The following RUVBL1 variants were observed in gnomAD, a reference collection of about 807,000 sequenced individuals.
The protein encoded by RUVBL1 is ruvB-like 1.
A neutral mutation model predicts 52.4 loss-of-function variants in RUVBL1; 4 were observed. That is an observed-to-expected ratio of 0.08 (90% CI 0.04 to 0.17). The LOEUF is 0.17. RUVBL1 is among the 10% of genes least tolerant of loss of function. The pLI, the probability that RUVBL1 is intolerant of heterozygous loss-of-function variation, is 1.00. For missense variants in RUVBL1, 298 were observed against 572.8 expected, an observed-to-expected ratio of 0.52 and a Z score of 4.90; for synonymous variants, 217 against 214.4, an observed-to-expected ratio of 1.01 and a Z score of -0.10.
At chr3:128,068,197 T>C in intron 9 of RUVBL1, 1 of 650,804 alleles carries the variant, frequency 1.5e-6, no homozygotes, top group South Asian at 1.8e-5. Context: ...AATTAAATGT[T>C]ATATATTTAT....
chr3:128,114,733 A>G (rs1327164072), intron 2 of RUVBL1, among the ~76,000 whole-genome samples: 1 of 152,156 alleles, frequency 6.6e-6, no homozygotes, highest in Admixed American at 6.5e-5. Flanking sequence ...GTATTCTTCT[A>G]AGAGCAAAGG....
rs565025915 is a variant in RUVBL1, at chr3:128,130,557, T to C, written c.-39-11143A>G. 1.2e-4 allele frequency among the ~76,000 whole-genome samples: 18 copies of C among 145,014 alleles called. No individual in the cohort carries two copies. In the East Asian group the frequency reaches 3.6e-3, roughly 29 times the overall value. On this transcript the variant is annotated intron_variant, in intron 1 of 9. Transcript: ENST00000464873. ...GGGAGGATTGTTTGAGGTCAGGAGT[T>C]CAAGACCAGGTTGGGAAATAGCAAG...
At chr3:128,137,039 C>T (rs1213493009) in intron 1 of RUVBL1, among the ~76,000 whole-genome samples, 1 of 152,112 alleles carries the variant, frequency 6.6e-6, no homozygotes, top group Non-Finnish European at 1.5e-5. Context: ...TTATTCTCCT[C>T]AGCACATGGA....
intron 2 of RUVBL1, among the ~76,000 whole-genome samples, chr3:128,116,341 G>A (rs184314289): frequency 0.015 from 2,284 of 151,936 alleles, 29 homozygotes; most frequent in Non-Finnish European, 0.023. Flanking sequence ...AGGAGTTCGA[G>A]ACCAGCCTGA....
intron 9 of RUVBL1, chr3:128,069,456 G>A: frequency 6.2e-7 from 1 of 1,605,064 alleles, no homozygotes. Context: ...TCCAGGAGCT[G>A]ACTGTGTCCC....
chr3:128,086,340 G>C (rs1044431284), intron 9 of RUVBL1, among the ~76,000 whole-genome samples: 2 of 152,220 alleles, frequency 1.3e-5, no homozygotes, highest in African/African-American at 4.8e-5. Context: ...AGTTCTCCCT[G>C]CCTCATGGGT....
At chr3:128,065,133 A>G (rs1559797590) in exon 10 of RUVBL1, 12 of 1,290,198 alleles carry the variant, frequency 9.3e-6, no homozygotes, top group Non-Finnish European at 1.4e-5. Flanking sequence ...GTGCACTGTC[A>G]TCATATTGTG....
At chr3:128,065,937 T>TA (rs1485356422) in intron 9 of RUVBL1, among the ~76,000 whole-genome samples, 1 of 151,704 alleles carries the variant, frequency 6.6e-6, no homozygotes, top group Admixed American at 6.6e-5. Flanking sequence ...ATAGACAGGG[T>TA]TTCACCGTGT....
chr3:128,140,158 C>A (rs1199771613), intron 1 of RUVBL1, among the ~76,000 whole-genome samples: 2 of 150,378 alleles, frequency 1.3e-5, no homozygotes, highest in African/African-American at 4.9e-5. Context: ...TATGTACCTA[C>A]TATGTACCCA....
At chr3:128,123,530 C>G in intron 1 of RUVBL1, 54 bp downstream of exon 1, 1 of 1,487,898 alleles carries the variant, frequency 6.7e-7, no homozygotes, top group Non-Finnish European at 9.0e-7. Context: ...CAGCAGCTCT[C>G]TCGCCGCAGC....
chr3:128,102,616 A>G (rs940002996), intron 4 of RUVBL1, among the ~76,000 whole-genome samples: 2 of 152,272 alleles, frequency 1.3e-5, no homozygotes, highest in Non-Finnish European at 2.9e-5. Flanking sequence ...TGTATGTTCC[A>G]TTTATATGAA....
At chr3:128,092,399 T>C (rs1942862890) in intron 8 of RUVBL1, among the ~76,000 whole-genome samples, 1 of 150,632 alleles carries the variant, frequency 6.6e-6, no homozygotes, top group Admixed American at 6.7e-5. Flanking sequence ...AAAGACACTA[T>C]CAAGAAACTG....
intron 2 of RUVBL1, among the ~76,000 whole-genome samples, chr3:128,114,436 C>T (rs1943469251): frequency 1.3e-5 from 2 of 152,158 alleles, no homozygotes; most frequent in Admixed American, 1.3e-4. Flanking sequence ...GCTGGTTCTG[C>T]CACTAATTTT....
chr3:128,083,746 T>C (rs1195943381), intron 9 of RUVBL1: 2 of 152,292 alleles, frequency 1.3e-5, no homozygotes, highest in East Asian at 1.9e-4. Context: ...TCTTCCCTTT[T>C]CTCAAGACAG....
At chr3:128,152,910 C>T (rs1944256586) in intron 1 of RUVBL1, among the ~76,000 whole-genome samples, 1 of 58,744 alleles carries the variant, frequency 1.7e-5, no homozygotes. Context: ...CCCCGCCCTC[C>T]CCCGCCCCCC....
rs550701450 is a variant in RUVBL1, at chr3:128,069,977, G to A, written c.940-4757C>T. 2.4e-5 allele frequency: 5 copies of A among 211,156 alleles called. No homozygotes were observed. In the East Asian group the frequency reaches 4.5e-4, roughly 19 times the overall value. 13.1% of individuals were successfully genotyped at this position (211,156 alleles called of 1,614,324 possible). ...TTTGCACCTTCTCAGTGCTGTATGCGGCTGCAGCCGTCTCACCTGTTTCCC... is the reference window on the plus strand; with the variant it reads ...TTTGCACCTTCTCAGTGCTGTATGCAGCTGCAGCCGTCTCACCTGTTTCCC... On this transcript the variant is annotated intron_variant, in intron 9 of 9. Transcript: ENST00000464873.
Position 128,101,668 on chromosome 3 carries a change from TCAGAAGTGTAATACATA to T in RUVBL1, c.514-37_514-21del. ...GTCCAGCTAAAAAAAAAAATGTAAA[TCAGAAGTGTAATACATA>T]TTCCATTTCCTTCTGACACCATGTA... On this transcript the variant is annotated intron_variant, in intron 4 of 10. Transcript: ENST00000322623. 6.2e-7 allele frequency: 1 copy of T among 1,602,942 alleles called. No individual in the cohort carries two copies. Among genetic ancestry groups the T allele is most frequent in the Non-Finnish European group, 8.5e-7 (1 of 1,171,898 alleles).
chr3:128,148,331 G>A (rs1202780551), intron 1 of RUVBL1, among the ~76,000 whole-genome samples: 3 of 152,148 alleles, frequency 2.0e-5, no homozygotes, highest in Non-Finnish European at 2.9e-5. Context: ...AAAACCAACA[G>A]AATTTTTTAA....
chr3:128,120,190 CA>C (rs1220180961), intron 1 of RUVBL1, among the ~76,000 whole-genome samples: 1 of 152,074 alleles, frequency 6.6e-6, no homozygotes, highest in African/African-American at 2.4e-5. Flanking sequence ...ACATTTTTTC[CA>C]GAGAAAGGAT....
Sources: gnomAD v4.1 joint callset for allele counts (sites outside exome capture counted in the v4.1 genomes callset) on GRCh38, gnomAD v4.1.1 for gene constraint, MANE v1.5 for transcripts, NCBI Gene and HGNC (gene_info 2026-07-23, HGNC 2026-07-21) for gene names.